Variants in KLF13 observed in about 807,000 individuals in gnomAD.
KLF13 encodes KLF transcription factor 13.
In KLF13, 8 loss-of-function variants were observed where a neutral mutation model predicts 16.7. The observed-to-expected ratio is 0.48, with a 90% CI of 0.28 to 0.87. The LOEUF is 0.87. Ranked by LOEUF, KLF13 falls within the 40% of genes least tolerant of loss-of-function variation. The probability of loss-of-function intolerance (pLI) is 0.10; values close to 1 mark genes in which losing one functional copy is unlikely to be tolerated. For synonymous variants in KLF13, 245 were observed against 208.4 expected (o/e 1.18, Z -1.51); for missense variants, 447 against 452.2 (o/e 0.99, Z 0.10).
chr15:31,427,245 C>A (rs77008327), intron 1 of KLF13, among the ~76,000 whole-genome samples: 18,731 of 152,080 alleles, frequency 0.12, 3,377 homozygotes, highest in African/African-American at 0.39. Context: ...AAAAGATGCA[C>A]AGCATCACTA....
chr15:31,334,212 A>G (rs1236946605), intron 1 of KLF13, among the ~76,000 whole-genome samples: 1 of 152,162 alleles, frequency 6.6e-6, no homozygotes, highest in African/African-American at 2.4e-5. Context: ...ATGGCTCCAG[A>G]TGGTATTAAT....
chr15:31,404,782 C>G (rs1285004511), downstream of KLF13: 1 of 152,310 alleles, frequency 6.6e-6, no homozygotes, highest in African/African-American at 2.4e-5. Context: ...TGTGAAGGTC[C>G]AGGACTTCAT....
intron 1 of KLF13, among the ~76,000 whole-genome samples, chr15:31,366,729 C>CCTCACTGTGTGCCCCTCTGTG (rs1555376578): frequency 1.3e-5 from 2 of 150,170 alleles, no homozygotes; most frequent in East Asian, 2.0e-4. Flanking sequence ...TGGCCCCTCA[C>CCTCACTGTGTGCCCCTCTGTG]CTCACTGTGT....
At chr15:31,390,198 G>T (rs936434533), upstream of KLF13, among the ~76,000 whole-genome samples, 1 of 152,086 alleles carries the variant, frequency 6.6e-6, no homozygotes, top group African/African-American at 2.4e-5. Flanking sequence ...CCCTGAGTGG[G>T]AGCACAGCCC....
At chr15:31,404,196 G>A (rs974060396) in exon 3 of KLF13, 2 of 152,260 alleles carry the variant, frequency 1.3e-5, no homozygotes, top group Non-Finnish European at 2.9e-5. Flanking sequence ...AGGCATGATG[G>A]TGTTGGTTTA....
At chr15:31,329,519 G>A (rs1387426510) in intron 1 of KLF13, among the ~76,000 whole-genome samples, 1 of 152,190 alleles carries the variant, frequency 6.6e-6, no homozygotes, top group African/African-American at 2.4e-5. Context: ...CGTCGTGGGC[G>A]GGGCCGGCTT....
At chr15:31,350,855 C>T (rs2039204922) in intron 1 of KLF13, among the ~76,000 whole-genome samples, 1 of 152,264 alleles carries the variant, frequency 6.6e-6, no homozygotes, top group African/African-American at 2.4e-5. Flanking sequence ...GCCTGGCACT[C>T]TTCGCCCAGG....
chr15:31,380,871 C>T (rs2039715317), downstream of KLF13, among the ~76,000 whole-genome samples: 1 of 152,176 alleles, frequency 6.6e-6, no homozygotes, highest in Admixed American at 6.5e-5. Context: ...AACACAAGGC[C>T]TGTATTAATT....
chr15:31,327,337 C>A lies in KLF13; in HGVS notation c.125C>A (p.Ala42Asp). 1 of 1,279,250 alleles carries A rather than the reference C, an allele frequency of 7.8e-7. No individual in the cohort carries two copies. The highest frequency in any genetic ancestry group is 3.3e-5 in the East Asian group (1 of 30,424). The allele number at this position is 1,279,250 out of a possible 1,614,324, so 79.2% of individuals were successfully genotyped here. Residue 42 changes from alanine (A) to aspartate (D), a missense_variant, in exon 1 of 2, where the codon GCC becomes GAC. Coordinates refer to ENST00000307145, the MANE Select transcript of KLF13 (RefSeq NM_015995.4). The part of the protein sequence containing the change: ...ESRPEGAAVA[A>D]TPTLPRVEER... ...CGGCCCGAGGGCGCGGCCGTGGCCG[C>A]CACCCCCACGCTGCCCCGCGTCGAG... is the stretch of plus-strand genomic sequence containing the variant.
In KLF13 at chr15:31,372,457, AAAC is replaced by A; in HGVS notation, c.*160_*162del. The A allele has an allele frequency of 1.2e-6, 1 of 854,850 alleles. No individual in the cohort carries two copies. The highest frequency in any genetic ancestry group is 1.7e-6 in the Non-Finnish European group (1 of 602,680). 53.0% of individuals were successfully genotyped at this position (854,850 alleles called of 1,614,324 possible). A position where few individuals can be genotyped will look rare whatever the true frequency, so the allele number is the denominator to read the frequency against. On this transcript the variant is annotated 3_prime_UTR_variant, in exon 2 of 2. Transcript: ENST00000307145. Reference sequence around the variant, plus strand: ...AGTAAATTTGTTAAAAAAACAAAAAAAACACAAAAATTTCAAAAAACACCACCC... The same window carrying A: ...AGTAAATTTGTTAAAAAAACAAAAAAACAAAAATTTCAAAAAACACCACCC...
intron 2 of KLF13, among the ~76,000 whole-genome samples, chr15:31,394,004 A>G (rs2039915712): frequency 6.6e-6 from 1 of 152,162 alleles, no homozygotes; most frequent in Non-Finnish European, 1.5e-5. Context: ...ACAGGAAGCA[A>G]CTTGCAGGCA....
intron 2 of KLF13, among the ~76,000 whole-genome samples, chr15:31,402,783 C>T (rs1031753548): frequency 5.3e-5 from 8 of 152,200 alleles, no homozygotes; most frequent in Non-Finnish European, 7.3e-5. Context: ...GTCCTCTTTC[C>T]CCTGGGATGT....
intron 1 of KLF13, among the ~76,000 whole-genome samples, chr15:31,412,206 C>T (rs2040204058): frequency 6.6e-6 from 1 of 152,114 alleles, no homozygotes; most frequent in Non-Finnish European, 1.5e-5. Flanking sequence ...AAGCTGCCAT[C>T]TTTGAAAAAA....
At chr15:31,365,986 A>C (rs1321387675) in intron 1 of KLF13, among the ~76,000 whole-genome samples, 1 of 151,846 alleles carries the variant, frequency 6.6e-6, no homozygotes, top group African/African-American at 2.4e-5. Context: ...TGATAAGATG[A>C]GGCAATTGCT....
At chr15:31,420,576 T>C in intron 1 of KLF13, 2 of 467,040 alleles carry the variant, frequency 4.3e-6, no homozygotes, top group Non-Finnish European at 4.0e-6. Context: ...CCTTTGAACA[T>C]GCATGCTGTT....
upstream of KLF13, among the ~76,000 whole-genome samples, chr15:31,391,598 ACCCCGC>A (rs1019075306): frequency 2.8e-4 from 42 of 149,700 alleles, no homozygotes; most frequent in East Asian, 2.0e-3. Flanking sequence ...ATTGCCCCCC[ACCCCGC>A]CCCCGCCCCC....
intron 1 of KLF13, among the ~76,000 whole-genome samples, chr15:31,361,454 T>C (rs1306659920): frequency 6.6e-6 from 1 of 152,134 alleles, no homozygotes; most frequent in Non-Finnish European, 1.5e-5. Context: ...AAGTAAAAGC[T>C]GCACCCCTGT....
chr15:31,388,784 A>C (rs1431717760), upstream of KLF13, among the ~76,000 whole-genome samples: 5 of 150,670 alleles, frequency 3.3e-5, no homozygotes, highest in East Asian at 1.9e-4. Context: ...AAAAAAAAAA[A>C]AACTAATGAT....
In KLF13 at chr15:31,372,273, A is replaced by G; in HGVS notation, c.841A>G (p.Thr281Ala). 6.6e-7 allele frequency: 1 copy of G among 1,504,120 alleles called. No homozygotes were observed. Among genetic ancestry groups the G allele is most frequent in the Non-Finnish European group, 8.8e-7 (1 of 1,131,400 alleles). The allele number at this position is 1,504,120 out of a possible 1,614,324, so 93.2% of individuals were successfully genotyped here. A position where few individuals can be genotyped will look rare whatever the true frequency, so the allele number is the denominator to read the frequency against. Residue 281 changes from threonine to alanine, a missense_variant, in exon 2 of 2, where the codon ACC becomes GCC. By Grantham distance (58) the Thr-to-Ala change is moderately conservative. This residue lies in a region of KLF13 where 88 missense variants were observed against 169.5 expected (regional missense o/e 0.52). Transcript: ENST00000307145. ...CAGCCGCTCCGACGCCAGCAGCCCCACCATCAGCCCGGCCAGCTCGCCCTG... is the reference window on the plus strand; with the variant it reads ...CAGCCGCTCCGACGCCAGCAGCCCCGCCATCAGCCCGGCCAGCTCGCCCTG... ...DYSRSDASSPTISPASSP is the reference protein window; with the variant it reads ...DYSRSDASSPAISPASSP
Sources: gnomAD v4.1 joint callset for allele counts (sites outside exome capture counted in the v4.1 genomes callset) on GRCh38, gnomAD v4.1.1 for gene constraint, gnomAD v4.1.1 regional missense constraint, MANE v1.5 for transcripts, NCBI Gene and HGNC (gene_info 2026-07-23, HGNC 2026-07-21) for gene names.